Variants in MS4A4E observed in about 807,000 individuals in gnomAD.
The protein encoded by MS4A4E is membrane spanning 4-domains A4E.
MS4A4E carries 23 observed loss-of-function variants against 13.3 expected under a neutral mutation model. That is an observed-to-expected ratio of 1.73 (90% CI 1.25 to 2.45). MS4A4E has a LOEUF of 2.45. Ranked by LOEUF, MS4A4E falls within the 30% of genes most tolerant of loss-of-function variation. The pLI is 0.00. For synonymous variants in MS4A4E, 36 were observed against 45.6 expected, an observed-to-expected ratio of 0.79 and a Z score of 0.85; for missense variants, 144 against 131.2, an observed-to-expected ratio of 1.10 and a Z score of -0.48.
chr11:60,205,267 T>C (rs964724173), intron 7 of MS4A4E, among the ~76,000 whole-genome samples: 19 of 152,300 alleles, frequency 1.2e-4, no homozygotes, highest in Admixed American at 1.1e-3. Context: ...CATATAAAAA[T>C]GTTTTGATTG....
chr11:60,214,550 C>T (rs1228237751), intron 4 of MS4A4E, 21 bp downstream of exon 4: 2 of 1,481,044 alleles, frequency 1.4e-6, no homozygotes, highest in East Asian at 2.5e-5. Context: ...CTTTTGATAC[C>T]CCCCACAAAA....
In MS4A4E at chr11:60,230,023, A is replaced by C; in HGVS notation, c.33T>G (p.Thr11=). 1 of 1,612,450 alleles carries C rather than the reference A, an allele frequency of 6.2e-7. No individual in the cohort carries two copies. ...GGGGCACATCAGGGCCAGCCCCTGGAGTGGTCTGTTCCATTCCTTGCATGG... is the reference window on the plus strand; with the variant it reads ...GGGGCACATCAGGGCCAGCCCCTGGCGTGGTCTGTTCCATTCCTTGCATGG... MTTMQGMEQT[T]PGAGPDVPQL... Residue 11 remains threonine (T), a synonymous_variant, in exon 2 of 9, where the codon ACT becomes ACG. Transcript: ENST00000651255.
rs1246755345 is a variant in MS4A4E, at chr11:60,243,127, T to C, written c.-186A>G. 3 of 469,324 alleles carry C rather than the reference T, an allele frequency of 6.4e-6. No individual in the cohort carries two copies. The highest frequency in any genetic ancestry group is 1.1e-5 in the Non-Finnish European group (3 of 268,020). 29.1% of individuals were successfully genotyped at this position (469,324 alleles called of 1,614,324 possible). The stretch of plus-strand genomic sequence containing the variant: ...ATGTTTGGAACCTTAAAGGATGTGT[T>C]GAGAACTTCTGAGACACACAACTAG... On this transcript the variant is annotated 5_prime_UTR_variant, in exon 1 of 9. Transcript: ENST00000651255.
At chr11:60,232,526 G>T (rs1217971678) in intron 1 of MS4A4E, among the ~76,000 whole-genome samples, 1 of 152,126 alleles carries the variant, frequency 6.6e-6, no homozygotes, top group African/African-American at 2.4e-5. Context: ...ACAGGGAAAA[G>T]GTTAGTGACA....
chr11:60,242,862 A>ATTT, intron 1 of MS4A4E, 96 bp downstream of exon 1: 1 of 876,736 alleles, frequency 1.1e-6, no homozygotes, highest in Non-Finnish European at 1.7e-6. Context: ...AAGTGACCTC[A>ATTT]TTTTTTTTTC....
intron 3 of MS4A4E, among the ~76,000 whole-genome samples, chr11:60,214,941 T>A (rs1267330626): frequency 6.6e-6 from 1 of 152,114 alleles, no homozygotes; most frequent in Non-Finnish European, 1.5e-5. Flanking sequence ...TAATATTGAA[T>A]ACAATAAACA....
At chr11:60,228,472 C>T (rs182119190) in intron 3 of MS4A4E, 122 bp downstream of exon 3, 185 of 548,106 alleles carry the variant, frequency 3.4e-4, no homozygotes, top group Non-Finnish European at 4.9e-4. Flanking sequence ...TGTAGAACAG[C>T]AGGAACTCTC....
At chr11:60,205,450 G>GTA (rs1401881441) in intron 7 of MS4A4E, among the ~76,000 whole-genome samples, 1 of 152,138 alleles carries the variant, frequency 6.6e-6, no homozygotes, top group African/African-American at 2.4e-5. Context: ...TAAATAATAT[G>GTA]TATATATGTA....
intron 3 of MS4A4E, among the ~76,000 whole-genome samples, chr11:60,216,194 T>A (rs1460601433): frequency 1.3e-5 from 2 of 152,216 alleles, no homozygotes; most frequent in African/African-American, 4.8e-5. Context: ...TTTACCAATC[T>A]AGTTCAATGC....
chr11:60,240,921 C>T (rs2084540564), intron 1 of MS4A4E, among the ~76,000 whole-genome samples: 1 of 152,190 alleles, frequency 6.6e-6, no homozygotes, highest in African/African-American at 2.4e-5. Flanking sequence ...TGTTATTTTC[C>T]TTTTACACCA....
chr11:60,221,475 G>A (rs1054355666), intron 3 of MS4A4E, among the ~76,000 whole-genome samples: 14 of 152,196 alleles, frequency 9.2e-5, no homozygotes, highest in African/African-American at 3.1e-4. Flanking sequence ...GAGAAGACAA[G>A]GGCCCTGTTT....
chr11:60,227,194 C>T lies in MS4A4E; in HGVS notation c.178+1400G>A, dbSNP rs183652766. Among the ~76,000 whole-genome samples, 9 of 152,214 alleles carry T rather than the reference C, an allele frequency of 5.9e-5. No homozygotes were observed. In the East Asian group the frequency reaches 1.7e-3, roughly 29 times the overall value. On this transcript the variant is annotated intron_variant, in intron 3 of 8. Transcript: ENST00000651255. ...TTCCATGTCCATGGATAGGAAGACT[C>T]AACATTGTCAAGACATCAGTTCTTC...
At chr11:60,226,436 C>A (rs1402100307) in intron 3 of MS4A4E, among the ~76,000 whole-genome samples, 1 of 152,056 alleles carries the variant, frequency 6.6e-6, no homozygotes, top group Admixed American at 6.5e-5. Context: ...GAATTATATA[C>A]CATAACCATA....
intron 5 of MS4A4E, among the ~76,000 whole-genome samples, chr11:60,209,714 G>A (rs2084095223): frequency 6.6e-6 from 1 of 152,172 alleles, no homozygotes; most frequent in Non-Finnish European, 1.5e-5. Context: ...GAACAATTGG[G>A]CAGTACACTT....
chr11:60,238,677 A>G (rs566963571), intron 1 of MS4A4E, among the ~76,000 whole-genome samples: 2 of 152,140 alleles, frequency 1.3e-5, no homozygotes, highest in South Asian at 4.1e-4. Flanking sequence ...TCTAGTCTTT[A>G]TTATTTCTTT....
intron 1 of MS4A4E, among the ~76,000 whole-genome samples, chr11:60,232,839 C>T (rs2134966588): frequency 1.3e-5 from 2 of 152,254 alleles, no homozygotes; most frequent in South Asian, 4.2e-4. Flanking sequence ...GAAGCCATTC[C>T]TGAGCCAAAC....
At chr11:60,233,167 C>A (rs1301603809) in intron 1 of MS4A4E, among the ~76,000 whole-genome samples, 1 of 151,114 alleles carries the variant, frequency 6.6e-6, no homozygotes, top group East Asian at 1.9e-4. Flanking sequence ...ATTCCTGAGG[C>A]CTTGCTGCTG....
chr11:60,224,392 C>T (rs1440873847), intron 3 of MS4A4E, among the ~76,000 whole-genome samples: 1 of 152,224 alleles, frequency 6.6e-6, no homozygotes, highest in Non-Finnish European at 1.5e-5. Context: ...CCAGCCACAT[C>T]TCTTTTTCCT....
At chr11:60,237,948 C>A (rs1018308470) in intron 1 of MS4A4E, among the ~76,000 whole-genome samples, 2 of 151,594 alleles carry the variant, frequency 1.3e-5, no homozygotes, top group Non-Finnish European at 2.9e-5. Context: ...TGGCTTTTTG[C>A]GGTTTTTGTC....
Sources: gnomAD v4.1 joint callset for allele counts (sites outside exome capture counted in the v4.1 genomes callset) on GRCh38, gnomAD v4.1.1 for gene constraint, MANE v1.5 for transcripts, NCBI Gene and HGNC (gene_info 2026-07-23, HGNC 2026-07-21) for gene names.